LSAMP: variants seen among roughly 807,000 people sequenced by gnomAD.
LSAMP encodes the protein limbic system associated membrane protein, also known as limbic system-associated membrane protein.
Under a neutral mutation model 38.6 loss-of-function variants are expected in LSAMP, and 7 were observed. That is an observed-to-expected ratio of 0.18 (90% CI 0.10 to 0.34). LSAMP has a LOEUF of 0.34. Among genes scored for constraint, LSAMP ranks in the 10% least tolerant of loss-of-function variants. The pLI is 1.00. For missense variants in LSAMP, 313 were observed against 420.0 expected (o/e 0.75, Z 2.23); for synonymous variants, 154 against 166.8 (o/e 0.92, Z 0.59).
intron 3 of LSAMP, among the ~76,000 whole-genome samples, chr3:115,949,242 G>GA (rs1038664929): frequency 2.6e-5 from 4 of 152,144 alleles, no homozygotes; most frequent in Non-Finnish European, 5.9e-5. Flanking sequence ...TTGGGTAACA[G>GA]AAAAAGACCC....
chr3:116,401,730 T>C (rs1004695276), intron 1 of LSAMP, among the ~76,000 whole-genome samples: 3 of 152,210 alleles, frequency 2.0e-5, no homozygotes, highest in African/African-American at 7.2e-5. Flanking sequence ...ATAGATACAA[T>C]TAGTTCACTA....
chr3:116,092,391 G>A (rs989121883), intron 1 of LSAMP, among the ~76,000 whole-genome samples: 2 of 152,000 alleles, frequency 1.3e-5, no homozygotes, highest in African/African-American at 2.4e-5. Context: ...TATATTGCAT[G>A]TGAAAAACTG....
At chr3:116,322,183 C>T (rs2047714947) in intron 1 of LSAMP, among the ~76,000 whole-genome samples, 1 of 152,168 alleles carries the variant, frequency 6.6e-6, no homozygotes, top group Admixed American at 6.5e-5. Flanking sequence ...TACTTAGACA[C>T]ATCTGAGAGA....
chr3:116,183,191 T>G (rs1710528697), intron 1 of LSAMP, among the ~76,000 whole-genome samples: 1 of 151,838 alleles, frequency 6.6e-6, no homozygotes, highest in African/African-American at 2.4e-5. Flanking sequence ...GATGATCTCC[T>G]TTTTAAGGAA....
At chr3:116,086,859 C>T (rs1708000638) in intron 1 of LSAMP, among the ~76,000 whole-genome samples, 1 of 152,088 alleles carries the variant, frequency 6.6e-6, no homozygotes, top group Non-Finnish European at 1.5e-5. Flanking sequence ...AGGAAAAGGC[C>T]ACTCACTCAG....
chr3:116,200,646 T>A (rs1406619511), intron 1 of LSAMP, among the ~76,000 whole-genome samples: 1 of 152,166 alleles, frequency 6.6e-6, no homozygotes, highest in African/African-American at 2.4e-5. Context: ...CCAGCGAGCT[T>A]GGTTCAGTGA....
intron 2 of LSAMP, among the ~76,000 whole-genome samples, chr3:116,078,937 T>C (rs147403932): frequency 6.6e-6 from 1 of 152,156 alleles, no homozygotes; most frequent in African/African-American, 2.4e-5. Context: ...ATTAGGTATA[T>C]GAATTGCTAC....
At chr3:115,813,146 T>C (rs1443504955) in intron 6 of LSAMP, among the ~76,000 whole-genome samples, 7 of 152,144 alleles carry the variant, frequency 4.6e-5, no homozygotes, top group Non-Finnish European at 1.0e-4. Flanking sequence ...ACTATGTTAA[T>C]AATCTTTAAT....
chr3:116,319,613 A>G (rs1218440757), intron 1 of LSAMP, among the ~76,000 whole-genome samples: 1 of 152,194 alleles, frequency 6.6e-6, no homozygotes, highest in Non-Finnish European at 1.5e-5. Context: ...GAGTGTGTAC[A>G]TGAGAAAGAA....
intron 3 of LSAMP, among the ~76,000 whole-genome samples, chr3:116,007,340 G>A (rs576609462): frequency 3.3e-5 from 5 of 152,066 alleles, no homozygotes; most frequent in Non-Finnish European, 7.4e-5. Flanking sequence ...AAGTGACATG[G>A]GGTAATTTTA....
intron 3 of LSAMP, among the ~76,000 whole-genome samples, chr3:115,861,485 C>T (rs1334861647): frequency 6.6e-6 from 1 of 150,426 alleles, no homozygotes; most frequent in Non-Finnish European, 1.5e-5. Flanking sequence ...GAGGCGGTGT[C>T]TGGGCTCAAT....
intron 3 of LSAMP, among the ~76,000 whole-genome samples, chr3:115,865,268 C>T (rs973117094): frequency 6.6e-6 from 1 of 152,126 alleles, no homozygotes; most frequent in Non-Finnish European, 1.5e-5. Context: ...TGAAGTGAGA[C>T]CATGGACGTT....
At chr3:116,032,802 C>CA (rs982825950) in intron 2 of LSAMP, among the ~76,000 whole-genome samples, 2 of 151,522 alleles carry the variant, frequency 1.3e-5, no homozygotes, top group African/African-American at 4.9e-5. Flanking sequence ...ACCCTGTCTC[C>CA]AAAAAAATTT....
At chr3:116,338,775 G>A (rs1202009404) in intron 1 of LSAMP, among the ~76,000 whole-genome samples, 1 of 152,020 alleles carries the variant, frequency 6.6e-6, no homozygotes, top group Non-Finnish European at 1.5e-5. Context: ...AAGCTGACAA[G>A]GCTCTTTGAA....
chr3:115,872,538 C>T (rs1037409050), intron 3 of LSAMP, among the ~76,000 whole-genome samples: 2 of 151,872 alleles, frequency 1.3e-5, no homozygotes, highest in African/African-American at 4.8e-5. Flanking sequence ...ATGCCGACAG[C>T]AGGAGGCCGA....
chr3:116,021,193 C>T lies in LSAMP; in HGVS notation c.389-1553G>A, dbSNP rs148645491. Among the ~76,000 whole-genome samples the T allele has an allele frequency of 2.6e-5, 4 of 152,252 alleles. No individual in the cohort carries two copies. The East Asian group carries it at 7.8e-4, about 30-fold the overall frequency. ...CCAAATATTTAGCAATCTCTATTTA[C>T]AGAGTTCCTAATCCTCCCTTTAGCT... On this transcript the variant is annotated intron_variant, in intron 2 of 6. Coordinates refer to ENST00000490035, the MANE Select transcript of LSAMP (RefSeq NM_002338.5).
At chr3:116,357,319 G>T (rs1007794774) in intron 1 of LSAMP, among the ~76,000 whole-genome samples, 2 of 152,066 alleles carry the variant, frequency 1.3e-5, no homozygotes, top group Admixed American at 1.3e-4. Flanking sequence ...TTATTAAAAA[G>T]TAATTATTTC....
intron 2 of LSAMP, among the ~76,000 whole-genome samples, chr3:116,058,461 G>GAA (rs35849014): frequency 7.3e-6 from 1 of 137,190 alleles, no homozygotes; most frequent in African/African-American, 2.7e-5. Context: ...ATAAAATTTT[G>GAA]AAAAAAAAAA....
chr3:115,950,339 A>G (rs1042819174), intron 3 of LSAMP, among the ~76,000 whole-genome samples: 7 of 152,110 alleles, frequency 4.6e-5, no homozygotes, highest in African/African-American at 1.7e-4. Flanking sequence ...AAAACCCTAC[A>G]GACTCATCCA....
Sources: gnomAD v4.1 joint callset for allele counts (sites outside exome capture counted in the v4.1 genomes callset) on GRCh38, gnomAD v4.1.1 for gene constraint, MANE v1.5 for transcripts, NCBI Gene and HGNC (gene_info 2026-07-23, HGNC 2026-07-21) for gene names.